The following CPXM2 variants were observed in gnomAD, a reference collection of about 807,000 sequenced individuals.
CPXM2 encodes the protein inactive carboxypeptidase-like protein X2.
CPXM2 carries 66 observed loss-of-function variants against 86.1 expected under a neutral mutation model. That is an observed-to-expected ratio of 0.77 (90% CI 0.63 to 0.94). CPXM2 has a LOEUF of 0.94. Ranked by LOEUF, CPXM2 falls within the 40% of genes least tolerant of loss-of-function variation. CPXM2 has a pLI of 0.00. For missense variants in CPXM2, 948 were observed against 1,026.3 expected (o/e 0.92, Z 1.04); for synonymous variants, 388 against 400.2 (o/e 0.97, Z 0.36).
intron 4 of CPXM2, among the ~76,000 whole-genome samples, chr10:123,813,771 AT>A (rs2134097593): frequency 6.6e-6 from 1 of 152,342 alleles, no homozygotes; most frequent in East Asian, 1.9e-4. Flanking sequence ...TGTGCCATAC[AT>A]GGTGGTGCCC....
In CPXM2 at chr10:123,890,034, G is replaced by A. The variant is rs904548546; in HGVS notation, c.304+1322C>T. Among the ~76,000 whole-genome samples, 3 of 152,202 alleles carry A rather than the reference G, an allele frequency of 2.0e-5. No homozygotes were observed. The South Asian group carries it at 6.2e-4, about 32-fold the overall frequency. ...CAAATATCCCAAGCCAGCAAGTGACGCTGAGCAAGTTACTTAAACTGTCTG... is the reference window on the plus strand; with the variant it reads ...CAAATATCCCAAGCCAGCAAGTGACACTGAGCAAGTTACTTAAACTGTCTG... On this transcript the variant is annotated intron_variant, in intron 1 of 13. Transcript: ENST00000241305.
At chr10:123,822,431 T>C (rs1847946478) in intron 4 of CPXM2, among the ~76,000 whole-genome samples, 1 of 152,142 alleles carries the variant, frequency 6.6e-6, no homozygotes, top group Non-Finnish European at 1.5e-5. Context: ...GCCTACAGTC[T>C]AGTGGAGAAC....
In CPXM2 at chr10:123,751,411, G is replaced by A. The variant is rs74795023; in HGVS notation, c.2017+3252C>T. The A allele has an allele frequency of 5.6e-3, 3,693 of 656,544 alleles. 96 individuals carry two copies. In the African/African-American group the frequency reaches 0.064, roughly 11 times the overall value. 40.7% of individuals were successfully genotyped at this position (656,544 alleles called of 1,614,324 possible). A position where few individuals can be genotyped will look rare whatever the true frequency, so the allele number is the denominator to read the frequency against. On this transcript the variant is annotated intron_variant, in intron 13 of 13. Transcript: ENST00000241305. ...CTTGTTATCTACCCTTTGCCCTTCC[G>A]AAGTTTTGCAAAACGTCCTGACCTT...
rs149836668 is a variant in CPXM2, at chr10:123,809,439, A to G, written c.654-10240T>C. Among the ~76,000 whole-genome samples, 687 of 152,340 alleles carry G rather than the reference A, an allele frequency of 4.5e-3. 3 individuals are homozygous for G. The highest frequency in any genetic ancestry group is 0.016 in the African/African-American group (653 of 41,586). ...GCACCTCAAACTGCAAAAGTTAGTCATAGTGCATGATAAGTACTTAGTGAA... is the reference window on the plus strand; with the variant it reads ...GCACCTCAAACTGCAAAAGTTAGTCGTAGTGCATGATAAGTACTTAGTGAA... On this transcript the variant is annotated intron_variant, in intron 4 of 13. Coordinates refer to ENST00000241305, the MANE Select transcript of CPXM2 (RefSeq NM_198148.3).
chr10:123,892,771 G>A (rs1349923566), upstream of CPXM2, among the ~76,000 whole-genome samples: 1 of 152,200 alleles, frequency 6.6e-6, no homozygotes, highest in East Asian at 1.9e-4. Flanking sequence ...GCTGAATTCA[G>A]CTCCTTGCGG....
In CPXM2 at chr10:123,752,255, T is replaced by A. The variant is rs996080232; in HGVS notation, c.2017+2408A>T. ...TTAATTAAGGAATAGTGAATAAATA[T>A]ATGAAAAAAATGAACACCTATGAGG... On this transcript the variant is annotated intron_variant, in intron 13 of 13. Coordinates refer to ENST00000241305, the MANE Select transcript of CPXM2 (RefSeq NM_198148.3). 1.5e-5 allele frequency: 15 copies of A among 985,226 alleles called. No homozygotes were observed. In the Admixed American group the frequency reaches 9.2e-4, roughly 61 times the overall value. The allele number at this position is 985,226 out of a possible 1,614,324, so 61.0% of individuals were successfully genotyped here. A position where few individuals can be genotyped will look rare whatever the true frequency, so the allele number is the denominator to read the frequency against.
upstream of CPXM2, among the ~76,000 whole-genome samples, chr10:123,894,159 A>G (rs1945314635): frequency 2.0e-5 from 3 of 152,156 alleles, no homozygotes; most frequent in Non-Finnish European, 4.4e-5. Context: ...GCCTTTAACC[A>G]ATATTTAAAG....
chr10:123,755,776 C>T lies in CPXM2; in HGVS notation c.1918-1014G>A, dbSNP rs1429963905. ...AATCCAAGGTGACATTCCATCATTA[C>T]CAATGACTTTACGCATATTTCGAGG... On this transcript the variant is annotated intron_variant, in intron 12 of 13. Transcript: ENST00000241305. Among the ~76,000 whole-genome samples, 5 of 152,218 alleles carry T rather than the reference C, an allele frequency of 3.3e-5. 1 individual carries two copies. Among genetic ancestry groups the T allele is most frequent in the African/African-American group, 1.2e-4 (5 of 41,454 alleles).
At chr10:123,815,510 C>T (rs572521665) in intron 4 of CPXM2, among the ~76,000 whole-genome samples, 2 of 152,192 alleles carry the variant, frequency 1.3e-5, no homozygotes, top group African/African-American at 2.4e-5. Context: ...CTCTGATGAA[C>T]CTTTTTTGCC....
chr10:123,938,550 T>C (rs896446839), intron 2 of CPXM2, among the ~76,000 whole-genome samples: 6 of 152,226 alleles, frequency 3.9e-5, no homozygotes, highest in Non-Finnish European at 5.9e-5. Flanking sequence ...GATGTCTTCA[T>C]AGCTCATTGG....
intron 11 of CPXM2, among the ~76,000 whole-genome samples, chr10:123,759,538 G>A (rs1348406925): frequency 2.0e-5 from 3 of 152,198 alleles, no homozygotes; most frequent in African/African-American, 7.2e-5. Context: ...AGAATACGTG[G>A]CCAGAGAAGG....
Position 123,781,948 on chromosome 10 carries a change from C to A in CPXM2, c.890-1693G>T, listed in dbSNP as rs560128949. ...TTCACCCTTGAGAACAGCCCACTTG[C>A]AACAAGTTAATAATCACATATCGAC... On this transcript the variant is annotated intron_variant, in intron 6 of 13. Transcript: ENST00000241305. 2.6e-5 allele frequency among the ~76,000 whole-genome samples: 4 copies of A among 152,336 alleles called. No individual in the cohort carries two copies. In the South Asian group the frequency reaches 8.3e-4, roughly 32 times the overall value.
chr10:123,812,410 T>C (rs1431475614), intron 4 of CPXM2, among the ~76,000 whole-genome samples: 2 of 152,180 alleles, frequency 1.3e-5, no homozygotes, highest in South Asian at 2.1e-4. Flanking sequence ...GTAATACATA[T>C]GTGACAAGAG....
chr10:123,857,672 G>A (rs1848764157), intron 3 of CPXM2, among the ~76,000 whole-genome samples: 1 of 151,798 alleles, frequency 6.6e-6, no homozygotes. Context: ...GCGTGGAGAT[G>A]GAAGGCGGCG....
rs73366785 is a variant in CPXM2, at chr10:123,873,355, G to A, written c.403+6856C>T. ...CCTCTAGCGATAAATTTCTACAAGC[G>A]ATATTAAAGAAGGTCTAATAAGTGG... On this transcript the variant is annotated intron_variant, in intron 2 of 13. Transcript: ENST00000241305. Among the ~76,000 whole-genome samples, 932 of 152,232 alleles carry A rather than the reference G, an allele frequency of 6.1e-3. 10 individuals carry two copies. The highest frequency in any genetic ancestry group is 0.021 in the African/African-American group (859 of 41,538).
At chr10:123,818,832 G>A (rs1387704724) in intron 4 of CPXM2, among the ~76,000 whole-genome samples, 1 of 152,142 alleles carries the variant, frequency 6.6e-6, no homozygotes, top group African/African-American at 2.4e-5. Context: ...TGTATGCTCT[G>A]AATCAGCCTC....
intron 2 of CPXM2, among the ~76,000 whole-genome samples, chr10:123,866,088 T>C (rs116289557): frequency 0.018 from 2,683 of 152,222 alleles, 72 homozygotes; most frequent in African/African-American, 0.058. Context: ...TGTTTGGACT[T>C]TTCTTTCCAC....
chr10:123,815,560 C>A (rs56062363), intron 4 of CPXM2, among the ~76,000 whole-genome samples: 2 of 152,030 alleles, frequency 1.3e-5, no homozygotes, highest in South Asian at 4.2e-4. Context: ...TGGCAACATC[C>A]CCTCCCCAGC....
chr10:123,790,528 G>A (rs1288505745), intron 6 of CPXM2, among the ~76,000 whole-genome samples: 2 of 152,186 alleles, frequency 1.3e-5, no homozygotes, highest in Non-Finnish European at 2.9e-5. Context: ...GAATAAGAGA[G>A]CTGAACATAC....
Sources: gnomAD v4.1 joint callset for allele counts (sites outside exome capture counted in the v4.1 genomes callset) on GRCh38, gnomAD v4.1.1 for gene constraint, MANE v1.5 for transcripts, NCBI Gene and HGNC (gene_info 2026-07-23, HGNC 2026-07-21) for gene names.